The following TRIM44 variants were observed in gnomAD, a reference collection of about 807,000 sequenced individuals.
The protein encoded by TRIM44 is tripartite motif containing 44, also known as tripartite motif-containing protein 44.
TRIM44 carries 13 observed loss-of-function variants against 37.4 expected under a neutral mutation model. The ratio of observed to expected loss-of-function variants is 0.35; its 90% confidence interval spans 0.23 to 0.55. TRIM44 has a LOEUF of 0.55. Ranked by LOEUF, TRIM44 falls within the 20% of genes least tolerant of loss-of-function variation. TRIM44 has a pLI of 0.89. For synonymous variants in TRIM44, 175 were observed against 157.2 expected, an observed-to-expected ratio of 1.11 and a Z score of -0.85; for missense variants, 426 against 437.2, an observed-to-expected ratio of 0.97 and a Z score of 0.23.
intron 2 of TRIM44, among the ~76,000 whole-genome samples, chr11:35,687,523 G>C (rs765237255): frequency 6.6e-6 from 1 of 152,218 alleles, no homozygotes; most frequent in Non-Finnish European, 1.5e-5. Context: ...AGCAACTCCT[G>C]TTCTGCAGGA....
intron 3 of TRIM44, among the ~76,000 whole-genome samples, chr11:35,732,738 T>A (rs1209002219): frequency 1.3e-5 from 2 of 152,132 alleles, no homozygotes; most frequent in African/African-American, 4.8e-5. Context: ...TAGATAGGAA[T>A]TAGCTAGGTT....
intron 2 of TRIM44, among the ~76,000 whole-genome samples, chr11:35,694,382 G>A (rs1799271240): frequency 6.6e-6 from 1 of 152,050 alleles, no homozygotes; most frequent in African/African-American, 2.4e-5. Flanking sequence ...TTAATGTTAT[G>A]TTTCTGACTG....
chr11:35,753,297 A>C (rs1852581558), intron 4 of TRIM44, among the ~76,000 whole-genome samples: 1 of 152,210 alleles, frequency 6.6e-6, no homozygotes, highest in Non-Finnish European at 1.5e-5. Context: ...TGGGCCTCAG[A>C]GCCTAATACC....
intron 2 of TRIM44, among the ~76,000 whole-genome samples, chr11:35,709,822 A>G: frequency 6.6e-6 from 1 of 152,224 alleles, no homozygotes; most frequent in South Asian, 2.1e-4. Flanking sequence ...CCATTTGTTT[A>G]AACAAAAACG....
chr11:35,753,661 A>G (rs1166572038), intron 4 of TRIM44, among the ~76,000 whole-genome samples: 2 of 152,154 alleles, frequency 1.3e-5, no homozygotes, highest in Admixed American at 6.5e-5. Context: ...TAAACGAGTA[A>G]CACTGTTATT....
intron 2 of TRIM44, among the ~76,000 whole-genome samples, chr11:35,717,101 A>G (rs1852047748): frequency 1.3e-5 from 2 of 152,222 alleles, no homozygotes; most frequent in African/African-American, 4.8e-5. Context: ...ACATCAGCCA[A>G]GAGCAACTGT....
chr11:35,713,762 A>T (rs1852006977), intron 2 of TRIM44, among the ~76,000 whole-genome samples: 1 of 152,186 alleles, frequency 6.6e-6, no homozygotes, highest in Non-Finnish European at 1.5e-5. Flanking sequence ...GGAGTAGAGT[A>T]GGGTTTCAGT....
intron 4 of TRIM44, among the ~76,000 whole-genome samples, chr11:35,764,427 C>T (rs1393182854): frequency 2.0e-5 from 3 of 152,108 alleles, no homozygotes; most frequent in South Asian, 4.1e-4. Context: ...GTCGGAGAGG[C>T]GGCAGAAAAC....
At chr11:35,765,497 C>G (rs1247828770) in intron 4 of TRIM44, among the ~76,000 whole-genome samples, 2 of 152,162 alleles carry the variant, frequency 1.3e-5, no homozygotes, top group East Asian at 3.8e-4. Context: ...TGAATGGTGA[C>G]AGGTAGAGAA....
intron 4 of TRIM44, among the ~76,000 whole-genome samples, chr11:35,792,969 A>C (rs986569108): frequency 6.6e-6 from 1 of 152,170 alleles, no homozygotes; most frequent in Non-Finnish European, 1.5e-5. Flanking sequence ...ACTGCAGGAC[A>C]GGCAGGATTG....
intron 2 of TRIM44, among the ~76,000 whole-genome samples, chr11:35,702,297 G>A (rs779231610): frequency 3.3e-5 from 5 of 152,138 alleles, no homozygotes; most frequent in Non-Finnish European, 5.9e-5. Flanking sequence ...CCCACGCTCC[G>A]GGAGGGCAGC....
At chr11:35,670,659 T>C (rs1200163830) in intron 1 of TRIM44, among the ~76,000 whole-genome samples, 1 of 152,256 alleles carries the variant, frequency 6.6e-6, no homozygotes, top group Non-Finnish European at 1.5e-5. Flanking sequence ...ACCGTGTTTT[T>C]CAACTCTAGA....
Position 35,684,261 on chromosome 11 carries a change from TA to T in TRIM44, c.670-989del, listed in dbSNP as rs75895088. 1.8e-3 allele frequency among the ~76,000 whole-genome samples: 276 copies of T among 151,808 alleles called. 1 individual carries two copies. Among genetic ancestry groups the T allele is most frequent in the Middle Eastern group, 6.8e-3 (2 of 294 alleles). On this transcript the variant is annotated intron_variant, in intron 1 of 4. Transcript: ENST00000299413. ...AATACTAGATTTCAAAGACCTAGCA[TA>T]AAAAAAAATCTCATGTTGAAATTGC...
intron 4 of TRIM44, among the ~76,000 whole-genome samples, chr11:35,787,500 C>CT (rs201020880): frequency 2.1e-4 from 32 of 151,580 alleles, no homozygotes; most frequent in African/African-American, 7.7e-4. Context: ...ATGTCCCCCA[C>CT]TTTTTTTTTA....
At chr11:35,692,580 T>C (rs778285443) in intron 2 of TRIM44, among the ~76,000 whole-genome samples, 46 of 152,250 alleles carry the variant, frequency 3.0e-4, no homozygotes, top group Non-Finnish European at 4.0e-4. Flanking sequence ...GGATTTCAGA[T>C]TTTGGAGTTT....
chr11:35,707,410 C>T (rs12281319), intron 2 of TRIM44, among the ~76,000 whole-genome samples: 201 of 152,252 alleles, frequency 1.3e-3, no homozygotes, highest in African/African-American at 4.5e-3. Context: ...TTGGAAAAAA[C>T]TACTTTAAAG....
intron 2 of TRIM44, among the ~76,000 whole-genome samples, chr11:35,710,033 G>T (rs1564968705): frequency 6.6e-6 from 1 of 152,178 alleles, no homozygotes; most frequent in East Asian, 1.9e-4. Flanking sequence ...CAGTTCAGCA[G>T]TTGCCTTATT....
intron 3 of TRIM44, among the ~76,000 whole-genome samples, chr11:35,733,573 T>G (rs547531341): frequency 6.6e-6 from 1 of 152,300 alleles, no homozygotes; most frequent in South Asian, 2.1e-4. Flanking sequence ...CCTACTTCCC[T>G]CTAGTTGGAG....
chr11:35,684,543 G>A (rs1851552652), intron 1 of TRIM44, among the ~76,000 whole-genome samples: 1 of 152,168 alleles, frequency 6.6e-6, no homozygotes, highest in African/African-American at 2.4e-5. Context: ...CCCCAAAATA[G>A]CCCAGTTTAT....
Sources: allele counts gnomAD v4.1 joint callset (sites outside exome capture counted in the v4.1 genomes callset), GRCh38; gene constraint gnomAD v4.1.1; transcripts MANE v1.5; gene names NCBI Gene and HGNC (gene_info 2026-07-23, HGNC 2026-07-21).